Variants in ITPR2 observed in about 807,000 individuals in gnomAD.
ITPR2 encodes inositol 1,4,5-trisphosphate receptor type 2.
A neutral mutation model predicts 317.1 loss-of-function variants in ITPR2; 207 were observed. The ratio of observed to expected loss-of-function variants is 0.65; its 90% CI spans 0.58 to 0.73. The LOEUF (loss-of-function observed/expected upper bound fraction) is 0.73. ITPR2 is among the 30% of genes least tolerant of loss of function. ITPR2 has a pLI of 0.00. For missense variants in ITPR2, 2,613 were observed against 3,284.0 expected, an observed-to-expected ratio of 0.80 and a Z score of 4.99; for synonymous variants, 1,156 against 1,149.1, an observed-to-expected ratio of 1.01 and a Z score of -0.12.
At chr12:26,396,219 G>T (rs146069074) in intron 54 of ITPR2, among the ~76,000 whole-genome samples, 57 of 152,220 alleles carry the variant, frequency 3.7e-4, no homozygotes, top group African/African-American at 1.3e-3. Flanking sequence ...CAGGGTGTGG[G>T]TTATTTTTCT....
At chr12:26,586,868 G>T (rs1041496130) in intron 32 of ITPR2, among the ~76,000 whole-genome samples, 22 of 152,168 alleles carry the variant, frequency 1.4e-4, no homozygotes, top group Admixed American at 5.9e-4. Context: ...GTATTGCCTA[G>T]GACTCCTTTC....
chr12:26,353,857 C>T (rs1379180361), intron 55 of ITPR2, among the ~76,000 whole-genome samples: 3 of 152,158 alleles, frequency 2.0e-5, no homozygotes, highest in Non-Finnish European at 4.4e-5. Context: ...CACACACACA[C>T]ACACCTCTAT....
At chr12:26,378,615 T>C (rs772969696) in intron 55 of ITPR2, among the ~76,000 whole-genome samples, 4 of 152,226 alleles carry the variant, frequency 2.6e-5, no homozygotes, top group Non-Finnish European at 4.4e-5. Flanking sequence ...TGCACAGTCA[T>C]TTCTGGTGAA....
chr12:26,706,104 C>T (rs1351522223), intron 9 of ITPR2, among the ~76,000 whole-genome samples: 2 of 152,190 alleles, frequency 1.3e-5, no homozygotes, highest in Non-Finnish European at 2.9e-5. Context: ...CAGAGCAGTG[C>T]TGCCCACCAC....
intron 24 of ITPR2, among the ~76,000 whole-genome samples, chr12:26,623,132 G>A (rs1198046412): frequency 2.0e-5 from 3 of 152,006 alleles, no homozygotes; most frequent in Non-Finnish European, 4.4e-5. Flanking sequence ...TAGTGTAGTC[G>A]TCCCCACTAC....
At chr12:26,360,677 T>C (rs946290461) in intron 55 of ITPR2, among the ~76,000 whole-genome samples, 1 of 152,220 alleles carries the variant, frequency 6.6e-6, no homozygotes, top group African/African-American at 2.4e-5. Flanking sequence ...CCAACGTTAG[T>C]AGCCAAGATT....
intron 2 of ITPR2, among the ~76,000 whole-genome samples, chr12:26,759,202 T>C: frequency 6.6e-6 from 1 of 152,250 alleles, no homozygotes; most frequent in Non-Finnish European, 1.5e-5. Context: ...ACCCATTACA[T>C]GAACTAGCAA....
Position 26,632,027 on chromosome 12 carries a change from C to T in ITPR2, c.2773G>A (p.Gly925Arg). Residue 925 changes from glycine (G) to arginine (R), a missense_variant, in exon 22 of 57, where the codon GGA (glycine) becomes AGA (arginine). Physicochemically the swap from Gly to Arg is moderately radical, Grantham distance 125 (BLOSUM62 -2). Coordinates refer to ENST00000381340, the MANE Select transcript of ITPR2 (RefSeq NM_002223.4). ...NNVMRTIHGV[G>R]EMMTQMVLSR... ...AGTACCATCTGGGTCATCATCTCTC[C>T]CACCCCATGAATGGTTCTCATCACA... 6.3e-7 allele frequency: 1 copy of T among 1,593,754 alleles called. No homozygotes were observed.
rs556572670 is a variant in ITPR2, at chr12:26,708,173, T to C, written c.951+3000A>G. ...GGAATGTAAATTAGTGCAGCCACTA[T>C]AGAGAACAGTATGGCGGTTCCTCAA... On this transcript the variant is annotated intron_variant, in intron 9 of 56. Coordinates refer to ENST00000381340, the MANE Select transcript of ITPR2 (RefSeq NM_002223.4). 3.9e-5 allele frequency among the ~76,000 whole-genome samples: 6 copies of C among 152,330 alleles called. No individual in the cohort carries two copies. In the South Asian group the frequency reaches 6.2e-4, roughly 16 times the overall value.
At chr12:26,797,807 T>C (rs1950479432) in intron 1 of ITPR2, among the ~76,000 whole-genome samples, 2 of 148,124 alleles carry the variant, frequency 1.4e-5, no homozygotes, top group Admixed American at 1.4e-4. Context: ...CTCTCCTGTC[T>C]CAGCCTCCCG....
rs1449761395 is a variant in ITPR2 at position 26,589,831 on chromosome 12, A to T, written c.4380+5634T>A. On this transcript the variant is annotated intron_variant, in intron 32 of 56. Transcript: ENST00000381340. ...TAAAAAATAAATAAATAAATAAATA[A>T]ACATATATATATATATATATATACA... Among the ~76,000 whole-genome samples the T allele has an allele frequency of 2.6e-3, 63 of 24,390 alleles. 1 individual carries two copies. The highest frequency in any genetic ancestry group is 3.9e-3 in the African/African-American group (35 of 8,996). 16.0% of individuals were successfully genotyped at this position (24,390 alleles called of 152,430 possible).
chr12:26,618,018 A>C (rs1355758495), intron 26 of ITPR2, among the ~76,000 whole-genome samples: 1 of 152,230 alleles, frequency 6.6e-6, no homozygotes, highest in African/African-American at 2.4e-5. Context: ...TAATCTTAAT[A>C]GATGTGTAAA....
intron 26 of ITPR2, among the ~76,000 whole-genome samples, chr12:26,607,573 G>T (rs142110601): frequency 1.3e-5 from 2 of 152,044 alleles, no homozygotes; most frequent in Non-Finnish European, 2.9e-5. Context: ...CATGGTTGTC[G>T]GTTTCTGCTT....
At chr12:26,704,736 A>T (rs954493539) in intron 9 of ITPR2, among the ~76,000 whole-genome samples, 1 of 152,180 alleles carries the variant, frequency 6.6e-6, no homozygotes, top group Non-Finnish European at 1.5e-5. Flanking sequence ...TTCCAGAATA[A>T]TACTATATAA....
intron 37 of ITPR2, among the ~76,000 whole-genome samples, chr12:26,517,475 A>G (rs1015094480): frequency 6.6e-6 from 1 of 152,242 alleles, no homozygotes; most frequent in Non-Finnish European, 1.5e-5. Context: ...CACTAGAGAA[A>G]TGTAAATCAA....
intron 31 of ITPR2, among the ~76,000 whole-genome samples, chr12:26,596,655 A>G (rs997391481): frequency 2.6e-4 from 30 of 116,736 alleles, no homozygotes; most frequent in South Asian, 9.5e-4. Context: ...TCAAAAAAAA[A>G]AAAAAAAAAA....
intron 1 of ITPR2, among the ~76,000 whole-genome samples, chr12:26,804,881 T>C (rs961673319): frequency 5.9e-5 from 9 of 152,108 alleles, no homozygotes; most frequent in Non-Finnish European, 1.3e-4. Flanking sequence ...ACTACAGGCG[T>C]GCACCACCAC....
rs777192053 is a variant in ITPR2 at position 26,645,970 on chromosome 12, CTT to C, written c.2740+8004_2740+8005del. Reference sequence around the variant, plus strand: ...TTATTTTTCTCCCTTTCTTTCTTTCCTTTTTTTTTTTTTTTTTTTTGGTAAGA... The same window carrying C: ...TTATTTTTCTCCCTTTCTTTCTTTCCTTTTTTTTTTTTTTTTTTGGTAAGA... On this transcript the variant is annotated intron_variant, in intron 21 of 56. Coordinates refer to ENST00000381340, the MANE Select transcript of ITPR2 (RefSeq NM_002223.4). Among the ~76,000 whole-genome samples the C allele has an allele frequency of 4.7e-3, 560 of 118,936 alleles. 1 individual carries two copies. Among genetic ancestry groups the C allele is most frequent in the African/African-American group, 0.018 (536 of 29,664 alleles). 78.0% of individuals were successfully genotyped at this position (118,936 alleles called of 152,430 possible). A position where few individuals can be genotyped will look rare whatever the true frequency, so the allele number is the denominator to read the frequency against.
chr12:26,442,995 A>C (rs1004575163), intron 46 of ITPR2, among the ~76,000 whole-genome samples: 6 of 151,880 alleles, frequency 4.0e-5, no homozygotes, highest in Non-Finnish European at 8.8e-5. Context: ...GTCCATTTTG[A>C]CCCACACCTC....
Sources: gnomAD v4.1 joint callset for allele counts (sites outside exome capture counted in the v4.1 genomes callset) on GRCh38, gnomAD v4.1.1 for gene constraint, MANE v1.5 for transcripts, NCBI Gene and HGNC (gene_info 2026-07-23, HGNC 2026-07-21) for gene names.